Variants in PTPRM observed in about 807,000 individuals in gnomAD.
PTPRM encodes protein tyrosine phosphatase receptor type M, also known as receptor-type tyrosine-protein phosphatase mu.
PTPRM carries 47 observed loss-of-function variants against 186.7 expected under a neutral mutation model. That is an observed-to-expected ratio of 0.25 (90% CI 0.20 to 0.32). PTPRM has a LOEUF of 0.32. PTPRM is among the 10% of genes least tolerant of loss of function. PTPRM has a pLI of 1.00. For synonymous variants in PTPRM, 668 were observed against 674.9 expected (o/e 0.99, Z 0.16); for missense variants, 1,494 against 1,865.0 (o/e 0.80, Z 3.66).
intron 24 of PTPRM, among the ~76,000 whole-genome samples, chr18:8,372,237 AATTTT>A (rs1476891850): frequency 7.1e-6 from 1 of 140,970 alleles, no homozygotes; most frequent in African/African-American, 2.6e-5. Flanking sequence ...GCGCCCGGCT[AATTTT>A]TTGTATTTTT....
intron 32 of PTPRM, among the ~76,000 whole-genome samples, chr18:8,397,397 G>T (rs140289026): frequency 6.6e-6 from 1 of 152,350 alleles, no homozygotes; most frequent in East Asian, 1.9e-4. Context: ...GTTGAAGCAT[G>T]ACACTCTCCA....
chr18:7,666,582 T>A (rs2039101305), intron 1 of PTPRM, among the ~76,000 whole-genome samples: 1 of 152,218 alleles, frequency 6.6e-6, no homozygotes, highest in Admixed American at 6.5e-5. Flanking sequence ...TAATTCCACC[T>A]CCAACAGTTC....
intron 13 of PTPRM, among the ~76,000 whole-genome samples, chr18:8,118,790 A>G (rs1426353511): frequency 1.6e-5 from 2 of 123,954 alleles, no homozygotes; most frequent in East Asian, 4.1e-4. Flanking sequence ...ACAGAGTGAC[A>G]TTCCATCTCA....
intron 2 of PTPRM, among the ~76,000 whole-genome samples, chr18:7,853,690 C>T (rs1262253549): frequency 2.0e-5 from 3 of 151,826 alleles, no homozygotes; most frequent in Non-Finnish European, 4.4e-5. Flanking sequence ...CATACTTGTG[C>T]CTTTGGAAAG....
intron 1 of PTPRM, among the ~76,000 whole-genome samples, chr18:7,763,704 T>C (rs939318359): frequency 1.1e-4 from 17 of 152,220 alleles, no homozygotes; most frequent in African/African-American, 4.1e-4. Context: ...ATATAATGTG[T>C]AGAAAAAATG....
At chr18:7,941,162 G>C (rs1479021905) in intron 5 of PTPRM, among the ~76,000 whole-genome samples, 2 of 152,080 alleles carry the variant, frequency 1.3e-5, no homozygotes, top group African/African-American at 2.4e-5. Context: ...TGACTAGCCT[G>C]GTCTCCAGCT....
At chr18:8,025,365 C>G (rs1163394689) in intron 7 of PTPRM, among the ~76,000 whole-genome samples, 1 of 152,166 alleles carries the variant, frequency 6.6e-6, no homozygotes. Context: ...TGCTGCTCTT[C>G]TTTTGTCAAA....
intron 7 of PTPRM, among the ~76,000 whole-genome samples, chr18:7,962,086 C>T (rs11081348): frequency 0.3 from 45,448 of 152,004 alleles, 7,086 homozygotes; most frequent in African/African-American, 0.36. Flanking sequence ...TTCTGTGAAA[C>T]GTTCAGTGTC....
intron 4 of PTPRM, among the ~76,000 whole-genome samples, chr18:7,921,540 C>T (rs1399379100): frequency 6.6e-6 from 1 of 151,978 alleles, no homozygotes; most frequent in Admixed American, 6.6e-5. Context: ...GCCACCACGC[C>T]CATCTAATTT....
intron 7 of PTPRM, among the ~76,000 whole-genome samples, chr18:7,963,737 TTGTC>T (rs1410053008): frequency 2.0e-5 from 3 of 152,198 alleles, no homozygotes; most frequent in Non-Finnish European, 4.4e-5. Context: ...AGGCTGTATT[TTGTC>T]TGTCTATCTG....
chr18:8,299,011 G>C (rs2095126715), intron 20 of PTPRM, among the ~76,000 whole-genome samples: 1 of 152,170 alleles, frequency 6.6e-6, no homozygotes, highest in Non-Finnish European at 1.5e-5. Flanking sequence ...AGCTACTCAG[G>C]AGGCGGAGGC....
At chr18:8,112,852 T>C (rs923893727) in intron 11 of PTPRM, among the ~76,000 whole-genome samples, 3 of 152,174 alleles carry the variant, frequency 2.0e-5, no homozygotes, top group Non-Finnish European at 2.9e-5. Flanking sequence ...CCTTGTTCAT[T>C]AGTTAGTCTT....
intron 1 of PTPRM, among the ~76,000 whole-genome samples, chr18:7,577,015 A>G (rs1339107151): frequency 6.6e-6 from 1 of 152,206 alleles, no homozygotes; most frequent in Non-Finnish European, 1.5e-5. Flanking sequence ...TGTTGAATGA[A>G]TGAAGAAACA....
At chr18:7,648,149 C>T (rs1300750207) in intron 1 of PTPRM, among the ~76,000 whole-genome samples, 2 of 152,032 alleles carry the variant, frequency 1.3e-5, no homozygotes, top group African/African-American at 4.8e-5. Context: ...TTACGGTGAT[C>T]TGTGATTAGT....
chr18:8,282,223 G>A (rs959842291), intron 19 of PTPRM, among the ~76,000 whole-genome samples: 22 of 152,070 alleles, frequency 1.4e-4, no homozygotes, highest in Non-Finnish European at 2.9e-5. Context: ...CCATGATGAG[G>A]TACATCATAT....
At chr18:7,948,595 T>C (rs910188617) in intron 5 of PTPRM, among the ~76,000 whole-genome samples, 1 of 152,206 alleles carries the variant, frequency 6.6e-6, no homozygotes, top group Non-Finnish European at 1.5e-5. Context: ...ACCTCTCTTG[T>C]TACGTATGAA....
intron 14 of PTPRM, among the ~76,000 whole-genome samples, chr18:8,185,001 A>G (rs748002389): frequency 6.6e-6 from 1 of 152,102 alleles, no homozygotes; most frequent in Non-Finnish European, 1.5e-5. Context: ...TAATCTAACT[A>G]TCTTGTTGGT....
At chr18:8,194,670 A>G (rs1200259350) in intron 14 of PTPRM, among the ~76,000 whole-genome samples, 3 of 152,252 alleles carry the variant, frequency 2.0e-5, no homozygotes, top group Non-Finnish European at 4.4e-5. Context: ...TGAGCAGCAC[A>G]TAGCACAGCC....
intron 1 of PTPRM, among the ~76,000 whole-genome samples, chr18:7,680,659 G>T (rs1218539937): frequency 6.6e-6 from 1 of 152,116 alleles, no homozygotes; most frequent in Non-Finnish European, 1.5e-5. Flanking sequence ...GCTTTACCAG[G>T]ATGTCGGTCA....
Sources: gnomAD v4.1 joint callset for allele counts (sites outside exome capture counted in the v4.1 genomes callset) on GRCh38, gnomAD v4.1.1 for gene constraint, MANE v1.5 for transcripts, NCBI Gene and HGNC (gene_info 2026-07-23, HGNC 2026-07-21) for gene names.